HELQ: variants seen among roughly 807,000 people sequenced by gnomAD.
HELQ encodes the protein helicase, POLQ like.
HELQ carries 77 observed loss-of-function variants against 111.6 expected under a neutral mutation model. The ratio of observed to expected loss-of-function variants is 0.69; its 90% CI spans 0.57 to 0.83. The LOEUF (loss-of-function observed/expected upper bound fraction) is 0.83, where lower values mean the gene tolerates loss of function less well. Ranked by LOEUF, HELQ falls within the 40% of genes least tolerant of loss-of-function variation. The pLI is 0.00. For missense variants in HELQ, 1,200 were observed against 1,288.5 expected, an observed-to-expected ratio of 0.93 and a Z score of 1.05; for synonymous variants, 438 against 454.7, an observed-to-expected ratio of 0.96 and a Z score of 0.47.
intron 5 of HELQ, 134 bp from the exon 6 acceptor site, chr4:83,443,748 T>G (rs1404861780): frequency 2.0e-6 from 1 of 504,808 alleles, no homozygotes; most frequent in African/African-American, 1.9e-5. Context: ...GAGAGGTAAG[T>G]AAGAAAAATA....
At chr4:83,423,202 G>A (rs1283827729) in intron 14 of HELQ, among the ~76,000 whole-genome samples, 3 of 152,090 alleles carry the variant, frequency 2.0e-5, no homozygotes, top group Admixed American at 1.3e-4. Flanking sequence ...GAAGGCTGAG[G>A]CAGGAGGATC....
chr4:83,455,530 G>A lies in HELQ; in HGVS notation c.164C>T (p.Thr55Ile), dbSNP rs1721724195. ...EMVAENRRRK[T>I]AGVLPVEVQP... ...TACCTCAACCGGCAGTACGCCCGCGGTTTTCCGCCTCCTGTTCTCAGCCAC... is the reference window on the plus strand; with the variant it reads ...TACCTCAACCGGCAGTACGCCCGCGATTTTCCGCCTCCTGTTCTCAGCCAC... The change falls in exon 1 of 18, where the codon ACC becomes ATC. Residue 55 changes from threonine (T) to isoleucine (I), a missense_variant. Around this residue, in one of 3 missense-constraint regions of HELQ, gnomAD observed 610 missense variants for 607.1 expected, o/e 1.00. Coordinates refer to ENST00000295488, the MANE Select transcript of HELQ (RefSeq NM_133636.5). The A allele has an allele frequency of 6.2e-7, 1 of 1,614,166 alleles. No homozygotes were observed. The highest frequency in any genetic ancestry group is 1.3e-5 in the African/African-American group (1 of 75,032).
chr4:83,429,460 T>A (rs1720025973), intron 12 of HELQ, 64 bp downstream of exon 12: 1 of 1,218,112 alleles, frequency 8.2e-7, no homozygotes, highest in South Asian at 1.4e-5. Context: ...AAAGAAAGTA[T>A]AATTTAATTT....
At chr4:83,426,850 G>T (rs756810465) in intron 13 of HELQ, among the ~76,000 whole-genome samples, 1 of 152,200 alleles carries the variant, frequency 6.6e-6, no homozygotes, top group Non-Finnish European at 1.5e-5. Flanking sequence ...ACAGGCATGA[G>T]CCACCACATG....
intron 17 of HELQ, among the ~76,000 whole-genome samples, chr4:83,411,399 C>G (rs1414392286): frequency 6.6e-6 from 1 of 150,920 alleles, no homozygotes; most frequent in African/African-American, 2.4e-5. Flanking sequence ...CACTTGAGCT[C>G]AGGAGTTGGA....
At chr4:83,450,222 TAAAAAAAAAAA>T (rs71668650) in intron 2 of HELQ, among the ~76,000 whole-genome samples, 588 of 45,628 alleles carry the variant, frequency 0.013, 31 homozygotes, top group South Asian at 0.033. Flanking sequence ...CAGTTAAGTT[TAAAAAAAAAAA>T]AAAAAAAAAA....
intron 17 of HELQ, among the ~76,000 whole-genome samples, chr4:83,408,238 T>C (rs1738891934): frequency 1.3e-5 from 2 of 152,218 alleles, no homozygotes; most frequent in African/African-American, 2.4e-5. Flanking sequence ...AAGAATAAAT[T>C]CCGCTCCCCC....
At chr4:83,412,619 A>G (rs1419092423) in intron 17 of HELQ, among the ~76,000 whole-genome samples, 2 of 152,192 alleles carry the variant, frequency 1.3e-5, no homozygotes, top group African/African-American at 2.4e-5. Flanking sequence ...TGAGGCCCGG[A>G]GTTCAAGACC....
At chr4:83,413,130 T>TC (rs2109962127) in intron 17 of HELQ, among the ~76,000 whole-genome samples, 1 of 152,282 alleles carries the variant, frequency 6.6e-6, no homozygotes, top group South Asian at 2.1e-4. Context: ...CTGTGCCACT[T>TC]CCCCCATACC....
intron 5 of HELQ, among the ~76,000 whole-genome samples, chr4:83,445,575 ATAT>A (rs1578099497): frequency 1.3e-5 from 2 of 152,080 alleles, no homozygotes; most frequent in South Asian, 2.1e-4. Flanking sequence ...TCGCTTTACA[ATAT>A]TATTATTATA....
At chr4:83,440,582 A>G (rs1720708677) in intron 7 of HELQ, among the ~76,000 whole-genome samples, 1 of 152,260 alleles carries the variant, frequency 6.6e-6, no homozygotes, top group African/African-American at 2.4e-5. Flanking sequence ...ACATCTTCAC[A>G]GAATTCTAAA....
intron 8 of HELQ, 103 bp from the exon 9 acceptor site, chr4:83,437,200 A>T: frequency 9.1e-7 from 1 of 1,100,836 alleles, no homozygotes; most frequent in Non-Finnish European, 1.3e-6. Flanking sequence ...TCTTTAATGT[A>T]CTATTTCCAT....
At chr4:83,433,563 G>A (rs1217122578) in intron 9 of HELQ, among the ~76,000 whole-genome samples, 1 of 151,752 alleles carries the variant, frequency 6.6e-6, no homozygotes, top group Non-Finnish European at 1.5e-5. Context: ...CTACTCAGGA[G>A]GCTGAGGCAG....
intron 17 of HELQ, among the ~76,000 whole-genome samples, chr4:83,409,576 AC>A (rs1027919963): frequency 6.6e-6 from 1 of 151,694 alleles, no homozygotes; most frequent in African/African-American, 2.4e-5. Flanking sequence ...AGAAAAGAAA[AC>A]CAATAAGAAC....
In HELQ at chr4:83,418,878, G is replaced by C. The variant is rs1247071914; in HGVS notation, c.2950-672C>G. 1.3e-5 allele frequency among the ~76,000 whole-genome samples: 2 copies of C among 152,076 alleles called. 1 individual carries two copies. The highest frequency in any genetic ancestry group is 4.1e-4 in the South Asian group (2 of 4,826). On this transcript the variant is annotated intron_variant, in intron 15 of 17. Coordinates refer to ENST00000295488, the MANE Select transcript of HELQ (RefSeq NM_133636.5). ...GAAGAAAACCTTGAACAGAACTATT[G>C]AATCAATCAATCCTGAAGCTGCCTT...
intron 14 of HELQ, among the ~76,000 whole-genome samples, chr4:83,422,285 A>T (rs959718371): frequency 6.6e-6 from 1 of 152,134 alleles, no homozygotes; most frequent in African/African-American, 2.4e-5. Flanking sequence ...TCTAAATTAA[A>T]CTTCCTTCTA....
At chr4:83,451,651 G>A (rs1295802005) in intron 2 of HELQ, among the ~76,000 whole-genome samples, 2 of 150,420 alleles carry the variant, frequency 1.3e-5, no homozygotes, top group African/African-American at 2.5e-5. Context: ...GGCAACACGC[G>A]AGACTCCGTC....
intron 14 of HELQ, among the ~76,000 whole-genome samples, chr4:83,425,145 T>C (rs186473519): frequency 5.2e-4 from 79 of 151,950 alleles, no homozygotes; most frequent in African/African-American, 1.8e-3. Flanking sequence ...CTAGGCGTGG[T>C]GGCAGGCGCC....
intron 17 of HELQ, among the ~76,000 whole-genome samples, chr4:83,413,139 C>T (rs950318928): frequency 3.3e-5 from 5 of 152,204 alleles, no homozygotes; most frequent in Non-Finnish European, 7.4e-5. Flanking sequence ...TTCCCCCATA[C>T]CTTGACCTAT....
Sources: allele counts gnomAD v4.1 joint callset (sites outside exome capture counted in the v4.1 genomes callset), GRCh38; gene constraint gnomAD v4.1.1; regional missense constraint gnomAD v4.1.1; transcripts MANE v1.5; gene names NCBI Gene and HGNC (gene_info 2026-07-23, HGNC 2026-07-21).